GPR158: variants seen among roughly 807,000 people sequenced by gnomAD.
GPR158 encodes the protein G protein-coupled receptor 158, also known as metabotropic glycine receptor.
In GPR158, 30 loss-of-function variants were observed where a neutral mutation model predicts 78.2. The ratio of observed to expected loss-of-function variants is 0.38; its 90% CI spans 0.29 to 0.52. GPR158 has a LOEUF of 0.52. Ranked by LOEUF, GPR158 falls within the 20% of genes least tolerant of loss-of-function variation. The pLI, the probability that GPR158 is intolerant of heterozygous loss-of-function variation, is 0.83. For missense variants in GPR158, 1,463 were observed against 1,523.5 expected, an observed-to-expected ratio of 0.96 and a Z score of 0.66; for synonymous variants, 581 against 591.1, an observed-to-expected ratio of 0.98 and a Z score of 0.25.
intron 5 of GPR158, among the ~76,000 whole-genome samples, chr10:25,533,960 G>A (rs1027436919): frequency 2.0e-5 from 3 of 152,126 alleles, no homozygotes; most frequent in African/African-American, 7.2e-5. Context: ...CAGTATTGTT[G>A]TAAGAAATAA....
At chr10:25,373,121 A>C (rs1467975656) in intron 2 of GPR158, among the ~76,000 whole-genome samples, 1 of 151,918 alleles carries the variant, frequency 6.6e-6, no homozygotes, top group East Asian at 1.9e-4. Context: ...GTGCAGCCAT[A>C]AAATAGGAGA....
intron 5 of GPR158, among the ~76,000 whole-genome samples, chr10:25,543,211 C>T (rs1247679102): frequency 6.6e-6 from 1 of 152,130 alleles, no homozygotes; most frequent in East Asian, 1.9e-4. Flanking sequence ...ACCTCTGCCT[C>T]CCAGGTTCGA....
chr10:25,297,891 G>A (rs1854538867), intron 2 of GPR158, among the ~76,000 whole-genome samples: 1 of 152,176 alleles, frequency 6.6e-6, no homozygotes, highest in African/African-American at 2.4e-5. Context: ...GCTATACATT[G>A]GAAAGAGCAT....
chr10:25,357,165 T>C (rs533400026), intron 2 of GPR158, among the ~76,000 whole-genome samples: 1 of 152,076 alleles, frequency 6.6e-6, no homozygotes, highest in Non-Finnish European at 1.5e-5. Flanking sequence ...GCAGAAGAAA[T>C]TTCTAAGCAG....
intron 4 of GPR158, among the ~76,000 whole-genome samples, chr10:25,434,552 G>A (rs182846138): frequency 6.6e-6 from 1 of 152,130 alleles, no homozygotes; most frequent in Non-Finnish European, 1.5e-5. Context: ...ATAAATTAAT[G>A]CCTTCATTAA....
chr10:25,431,951 A>G (rs1466503844), intron 4 of GPR158, among the ~76,000 whole-genome samples: 1 of 152,078 alleles, frequency 6.6e-6, no homozygotes, highest in African/African-American at 2.4e-5. Context: ...ATGTATACAT[A>G]TGTAACTAAC....
intron 5 of GPR158, among the ~76,000 whole-genome samples, chr10:25,550,323 T>G (rs1836711222): frequency 2.0e-5 from 3 of 152,116 alleles, no homozygotes; most frequent in African/African-American, 7.2e-5. Context: ...ATTTGTTGAA[T>G]GAAAACTCTG....
intron 8 of GPR158, among the ~76,000 whole-genome samples, chr10:25,590,715 A>G (rs558379657): frequency 6.6e-6 from 1 of 152,328 alleles, no homozygotes; most frequent in South Asian, 2.1e-4. Context: ...AACCAGTAAG[A>G]AGGCTTCTCA....
chr10:25,243,639 G>A (rs1487619301), intron 2 of GPR158, among the ~76,000 whole-genome samples: 1 of 152,114 alleles, frequency 6.6e-6, no homozygotes, highest in East Asian at 1.9e-4. Flanking sequence ...CTCATAGCAT[G>A]CAGTATGTTT....
At chr10:25,191,345 G>A (rs1852768372) in intron 1 of GPR158, among the ~76,000 whole-genome samples, 1 of 152,182 alleles carries the variant, frequency 6.6e-6, no homozygotes, top group African/African-American at 2.4e-5. Flanking sequence ...TAACAGACAC[G>A]AAGAAAAAGA....
chr10:25,308,219 G>A (rs1177025620), intron 2 of GPR158, among the ~76,000 whole-genome samples: 3 of 152,100 alleles, frequency 2.0e-5, no homozygotes, highest in African/African-American at 7.2e-5. Context: ...TGTGTGCCAT[G>A]GTGGTTTGCT....
At chr10:25,251,170 A>G (rs2130721586) in intron 2 of GPR158, among the ~76,000 whole-genome samples, 1 of 152,236 alleles carries the variant, frequency 6.6e-6, no homozygotes, top group African/African-American at 2.4e-5. Context: ...TGCTTGGTAG[A>G]TGTTCCTCCA....
intron 4 of GPR158, among the ~76,000 whole-genome samples, chr10:25,422,388 C>T (rs1010423653): frequency 2.0e-5 from 3 of 152,080 alleles, no homozygotes; most frequent in South Asian, 2.1e-4. Flanking sequence ...GTGAACTGCA[C>T]ATGTGCACTC....
Position 25,272,256 on chromosome 10 carries a change from A to C in GPR158, c.1008+51099A>C, listed in dbSNP as rs968921510. 7.2e-5 allele frequency among the ~76,000 whole-genome samples: 11 copies of C among 152,262 alleles called. 1 individual carries two copies. The highest frequency in any genetic ancestry group is 2.4e-4 in the African/African-American group (10 of 41,552). On this transcript the variant is annotated intron_variant, in intron 2 of 10. Transcript: ENST00000376351. Reference sequence around the variant, plus strand: ...TTCCAAGTTCTTGCTAAGCTTTTTCAAAAAATATTATTTTTAGGAATGTAT... The same window carrying C: ...TTCCAAGTTCTTGCTAAGCTTTTTCCAAAAATATTATTTTTAGGAATGTAT...
chr10:25,446,969 G>T (rs1248391722), intron 4 of GPR158, among the ~76,000 whole-genome samples: 2 of 152,166 alleles, frequency 1.3e-5, no homozygotes, highest in African/African-American at 4.8e-5. Context: ...TGTTTTTTAT[G>T]GTTCCCTTTC....
At chr10:25,347,160 C>T (rs1441516836) in intron 2 of GPR158, among the ~76,000 whole-genome samples, 1 of 151,968 alleles carries the variant, frequency 6.6e-6, no homozygotes, top group Non-Finnish European at 1.5e-5. Context: ...AGCTGGGCTG[C>T]ATTCCTAGTT....
chr10:25,584,390 T>C (rs1417441749), intron 7 of GPR158, among the ~76,000 whole-genome samples: 1 of 152,238 alleles, frequency 6.6e-6, no homozygotes, highest in African/African-American at 2.4e-5. Flanking sequence ...GAATAATAAA[T>C]TGTTTTTCAG....
chr10:25,501,294 A>G lies in GPR158; in HGVS notation c.1404+34575A>G, dbSNP rs1217979532. On this transcript the variant is annotated intron_variant, in intron 5 of 10. Coordinates refer to ENST00000376351, the MANE Select transcript of GPR158 (RefSeq NM_020752.3). ...GGGCATGGCGTCCTTCTACTCGCTCATCCTTCAAGTCTCAGCTTAAATGCC... is the reference window on the plus strand; with the variant it reads ...GGGCATGGCGTCCTTCTACTCGCTCGTCCTTCAAGTCTCAGCTTAAATGCC... 8.5e-5 allele frequency among the ~76,000 whole-genome samples: 13 copies of G among 152,268 alleles called. No individual in the cohort carries two copies. The East Asian group carries it at 2.5e-3, about 29-fold the overall frequency.
At chr10:25,334,749 T>A (rs1310285910) in intron 2 of GPR158, among the ~76,000 whole-genome samples, 1 of 151,950 alleles carries the variant, frequency 6.6e-6, no homozygotes, top group African/African-American at 2.4e-5. Flanking sequence ...CATAAAATTC[T>A]TGTGAGAATA....
Sources: gnomAD v4.1 joint callset for allele counts (sites outside exome capture counted in the v4.1 genomes callset) on GRCh38, gnomAD v4.1.1 for gene constraint, MANE v1.5 for transcripts, NCBI Gene and HGNC (gene_info 2026-07-23, HGNC 2026-07-21) for gene names.